Variants in SLC24A3 observed in about 807,000 individuals in gnomAD.
SLC24A3 encodes the protein sodium/potassium/calcium exchanger 3.
In SLC24A3, 28 loss-of-function variants were observed where a neutral mutation model predicts 75.8. The observed-to-expected ratio is 0.37, with a 90% CI of 0.27 to 0.51. The LOEUF (loss-of-function observed/expected upper bound fraction) is 0.51, where lower values mean the gene tolerates loss of function less well. Among genes scored for constraint, SLC24A3 ranks in the 20% least tolerant of loss-of-function variants. The pLI, the probability that SLC24A3 is intolerant of heterozygous loss-of-function variation, is 0.94. For synonymous variants in SLC24A3, 372 were observed against 334.1 expected (o/e 1.11, Z -1.24); for missense variants, 663 against 847.8 (o/e 0.78, Z 2.71).
intron 2 of SLC24A3, among the ~76,000 whole-genome samples, chr20:19,443,038 C>G (rs922350420): frequency 6.6e-6 from 1 of 152,134 alleles, no homozygotes; most frequent in Non-Finnish European, 1.5e-5. Flanking sequence ...CTATTGTGTT[C>G]CATTAGTCTG....
intron 2 of SLC24A3, among the ~76,000 whole-genome samples, chr20:19,347,861 G>A (rs981330585): frequency 1.3e-5 from 2 of 152,210 alleles, no homozygotes; most frequent in Non-Finnish European, 2.9e-5. Context: ...CATCTGCAAA[G>A]TGAGGATAGG....
intron 2 of SLC24A3, among the ~76,000 whole-genome samples, chr20:19,366,062 C>T (rs902977917): frequency 6.6e-6 from 1 of 152,160 alleles, no homozygotes; most frequent in African/African-American, 2.4e-5. Flanking sequence ...TTCTACCTGC[C>T]CAACCCTCAT....
At chr20:19,254,433 G>T (rs1600395056) in intron 1 of SLC24A3, among the ~76,000 whole-genome samples, 1 of 152,160 alleles carries the variant, frequency 6.6e-6, no homozygotes, top group South Asian at 2.1e-4. Context: ...GATTTCTGAG[G>T]CTGCACTCAG....
intron 3 of SLC24A3, among the ~76,000 whole-genome samples, chr20:19,559,120 C>T (rs186278092): frequency 5.3e-4 from 81 of 152,322 alleles, no homozygotes; most frequent in Middle Eastern, 3.4e-3. Context: ...TCTATGCTCT[C>T]ACAAGCACTT....
chr20:19,224,086 TGAG>T (rs1374364145), intron 1 of SLC24A3, among the ~76,000 whole-genome samples: 24 of 152,006 alleles, frequency 1.6e-4, no homozygotes, highest in African/African-American at 5.1e-4. Context: ...TGAGGATAAA[TGAG>T]GACTACTGTA....
chr20:19,513,735 T>A (rs1337903155), intron 2 of SLC24A3, among the ~76,000 whole-genome samples: 5 of 96,834 alleles, frequency 5.2e-5, no homozygotes, highest in African/African-American at 2.3e-4. Context: ...TGCTTTTTTT[T>A]TAGAAAAAAA....
chr20:19,520,821 C>G (rs943328069), intron 3 of SLC24A3, among the ~76,000 whole-genome samples: 7 of 152,330 alleles, frequency 4.6e-5, no homozygotes, highest in African/African-American at 1.4e-4. Flanking sequence ...CACTTATGAG[C>G]TTACATCCAA....
At chr20:19,627,520 A>G (rs1455826091) in intron 6 of SLC24A3, among the ~76,000 whole-genome samples, 1 of 152,142 alleles carries the variant, frequency 6.6e-6, no homozygotes, top group Non-Finnish European at 1.5e-5. Context: ...TCTTATATTT[A>G]CTTGGCAGAT....
At chr20:19,545,301 A>G (rs1300561945) in intron 3 of SLC24A3, among the ~76,000 whole-genome samples, 1 of 152,180 alleles carries the variant, frequency 6.6e-6, no homozygotes. Context: ...GCAGGTCGGG[A>G]GGAGAGGAAT....
At chr20:19,627,969 G>A (rs538848171) in intron 6 of SLC24A3, among the ~76,000 whole-genome samples, 33 of 152,008 alleles carry the variant, frequency 2.2e-4, no homozygotes, top group African/African-American at 7.2e-4. Flanking sequence ...AGGCTGAGGC[G>A]GGCAGACCAC....
At chr20:19,278,773 T>TG (rs1983565692) in intron 1 of SLC24A3, among the ~76,000 whole-genome samples, 2 of 152,216 alleles carry the variant, frequency 1.3e-5, no homozygotes, top group African/African-American at 4.8e-5. Context: ...CTCCATTTTT[T>TG]GGGGAAAAAA....
At chr20:19,227,639 G>A (rs1333830555) in intron 1 of SLC24A3, among the ~76,000 whole-genome samples, 1 of 152,054 alleles carries the variant, frequency 6.6e-6, no homozygotes, top group African/African-American at 2.4e-5. Flanking sequence ...ATTGTTTATT[G>A]ACTACTGTTT....
intron 1 of SLC24A3, among the ~76,000 whole-genome samples, chr20:19,266,260 T>C (rs1983163463): frequency 1.3e-5 from 2 of 152,244 alleles, no homozygotes; most frequent in Non-Finnish European, 2.9e-5. Flanking sequence ...TTCTTATTAC[T>C]CTGTGAGCAG....
At chr20:19,405,094 A>G (rs1460773854) in intron 2 of SLC24A3, among the ~76,000 whole-genome samples, 1 of 152,136 alleles carries the variant, frequency 6.6e-6, no homozygotes, top group Non-Finnish European at 1.5e-5. Context: ...TCTGAAAGAC[A>G]GAAATCACAT....
chr20:19,584,670 C>G (rs917105877), intron 4 of SLC24A3, among the ~76,000 whole-genome samples: 1 of 152,140 alleles, frequency 6.6e-6, no homozygotes, highest in African/African-American at 2.4e-5. Flanking sequence ...GTTGAAGACC[C>G]CTAGATCTTC....
At position 19,584,972 on chromosome 20, in the gene SLC24A3, G is replaced by T. The variant is rs755931195; in HGVS notation, c.425G>T (p.Arg142Leu). The change falls in exon 5 of 17, where the codon CGC becomes CTC. Residue 142 changes from arginine (R) to leucine (L), a missense_variant and splice_region_variant. Physicochemically the swap from Arg to Leu is moderately radical, Grantham distance 102. Coordinates refer to ENST00000328041, the MANE Select transcript of SLC24A3 (RefSeq NM_020689.4). The stretch of plus-strand genomic sequence containing the variant: ...TGCTTTGTCTTTGCTCCTCTGTAGC[G>T]CCTGCACCTCAGTGAAGATGTGGCT... ...FVPSLEKICE[R>L]LHLSEDVAGA... The T allele has an allele frequency of 6.2e-7, 1 of 1,613,218 alleles. No homozygotes were observed. The highest frequency in any genetic ancestry group is 8.5e-7 in the Non-Finnish European group (1 of 1,179,350).
At chr20:19,213,868 G>A (rs1047836859) in intron 1 of SLC24A3, among the ~76,000 whole-genome samples, 1 of 152,156 alleles carries the variant, frequency 6.6e-6, no homozygotes, top group East Asian at 1.9e-4. Context: ...TTGTAAAATG[G>A]TTTTATATCC....
At chr20:19,678,507 G>A (rs1312531436) in intron 9 of SLC24A3, among the ~76,000 whole-genome samples, 5 of 133,416 alleles carry the variant, frequency 3.7e-5, no homozygotes, top group Non-Finnish European at 6.5e-5. Flanking sequence ...CTGGCCGGGC[G>A]GGGGGCTGAC....
At chr20:19,564,949 C>T (rs754300477) in intron 3 of SLC24A3, among the ~76,000 whole-genome samples, 9 of 152,204 alleles carry the variant, frequency 5.9e-5, no homozygotes, top group Non-Finnish European at 8.8e-5. Flanking sequence ...GCTGGTATTA[C>T]AGGCATGCGC....
Sources: allele counts gnomAD v4.1 joint callset (sites outside exome capture counted in the v4.1 genomes callset), GRCh38; gene constraint gnomAD v4.1.1; transcripts MANE v1.5; gene names NCBI Gene and HGNC (gene_info 2026-07-23, HGNC 2026-07-21).